The following NELL1 variants were observed in gnomAD, a reference collection of about 807,000 sequenced individuals.
NELL1 encodes the protein protein kinase C-binding protein NELL1.
A neutral mutation model predicts 107.4 loss-of-function variants in NELL1; 76 were observed. The ratio of observed to expected loss-of-function variants is 0.71; its 90% confidence interval spans 0.59 to 0.86. NELL1 has a LOEUF of 0.86. Ranked by LOEUF, NELL1 falls within the 40% of genes least tolerant of loss-of-function variation. The pLI, the probability that NELL1 is intolerant of heterozygous loss-of-function variation, is 0.00. For synonymous variants in NELL1, 353 were observed against 341.2 expected, an observed-to-expected ratio of 1.03 and a Z score of -0.38; for missense variants, 1,024 against 1,005.5, an observed-to-expected ratio of 1.02 and a Z score of -0.25.
chr11:21,056,390 A>T (rs1208777218), intron 12 of NELL1, among the ~76,000 whole-genome samples: 2 of 152,134 alleles, frequency 1.3e-5, no homozygotes, highest in African/African-American at 4.8e-5. Context: ...TAGCAGAAAG[A>T]CTTCCCCTCA....
chr11:21,500,307 A>C (rs1053842910), intron 15 of NELL1, among the ~76,000 whole-genome samples: 8 of 152,032 alleles, frequency 5.3e-5, no homozygotes, highest in Admixed American at 5.3e-4. Context: ...TTTATGCCAC[A>C]ATGGATTTTA....
chr11:20,864,629 A>G (rs1430030593), intron 4 of NELL1, among the ~76,000 whole-genome samples: 1 of 152,042 alleles, frequency 6.6e-6, no homozygotes, highest in Non-Finnish European at 1.5e-5. Flanking sequence ...ACTTTCGGAA[A>G]CCTGGCCTCT....
At chr11:20,681,893 T>C (rs572772079) in intron 2 of NELL1, among the ~76,000 whole-genome samples, 1 of 152,144 alleles carries the variant, frequency 6.6e-6, no homozygotes, top group East Asian at 1.9e-4. Flanking sequence ...CATTTCCTTC[T>C]CTTTGATTCT....
chr11:20,838,833 A>G (rs534036449), intron 3 of NELL1, among the ~76,000 whole-genome samples: 31 of 152,140 alleles, frequency 2.0e-4, no homozygotes, highest in Non-Finnish European at 4.6e-4. Context: ...TACAACCACC[A>G]CTATATATTT....
chr11:21,458,392 A>T (rs1174828767), intron 15 of NELL1, among the ~76,000 whole-genome samples: 1 of 152,170 alleles, frequency 6.6e-6, no homozygotes, highest in Non-Finnish European at 1.5e-5. Context: ...ATAATCAGAG[A>T]TGTAGATAAA....
intron 12 of NELL1, among the ~76,000 whole-genome samples, chr11:21,012,227 C>T (rs952913933): frequency 2.0e-5 from 3 of 152,154 alleles, no homozygotes; most frequent in African/African-American, 7.2e-5. Flanking sequence ...GCATCCTGGC[C>T]TTGCACATCT....
At chr11:20,852,512 C>T (rs561396936) in intron 4 of NELL1, among the ~76,000 whole-genome samples, 35 of 152,276 alleles carry the variant, frequency 2.3e-4, no homozygotes, top group East Asian at 1.9e-4. Flanking sequence ...TTCTAGAGAG[C>T]GCCACAACTA....
intron 15 of NELL1, among the ~76,000 whole-genome samples, chr11:21,500,394 C>T (rs555116949): frequency 2.0e-5 from 3 of 152,116 alleles, no homozygotes; most frequent in East Asian, 1.9e-4. Context: ...TCTGTAAGTA[C>T]TAAATCAGTT....
At chr11:21,169,120 T>C (rs1198998182) in intron 13 of NELL1, among the ~76,000 whole-genome samples, 1 of 151,826 alleles carries the variant, frequency 6.6e-6, no homozygotes, top group Non-Finnish European at 1.5e-5. Flanking sequence ...AAATTATACC[T>C]TTTAATCTTG....
chr11:21,284,906 C>T (rs867972701), intron 14 of NELL1: 11 of 248,850 alleles, frequency 4.4e-5, no homozygotes, highest in African/African-American at 2.4e-4. Flanking sequence ...CCACATTGGA[C>T]ATCATTCAAA....
intron 14 of NELL1, among the ~76,000 whole-genome samples, chr11:21,245,461 T>A (rs572185323): frequency 1.3e-5 from 2 of 152,144 alleles, no homozygotes; most frequent in Admixed American, 1.3e-4. Context: ...GAAGGAAATA[T>A]CTTTTCTCTC....
At chr11:21,527,622 C>T (rs181143651) in intron 15 of NELL1, among the ~76,000 whole-genome samples, 10 of 152,274 alleles carry the variant, frequency 6.6e-5, no homozygotes. Flanking sequence ...CACAATAGGC[C>T]ATCTGCAAAC....
intron 3 of NELL1, among the ~76,000 whole-genome samples, chr11:20,799,255 A>C (rs973090316): frequency 2.0e-5 from 3 of 152,114 alleles, no homozygotes; most frequent in Admixed American, 6.6e-5. Flanking sequence ...AGGGTGATGA[A>C]AGGGAGTGGT....
intron 12 of NELL1, among the ~76,000 whole-genome samples, chr11:20,988,402 T>G (rs565867639): frequency 1.3e-4 from 20 of 150,852 alleles, no homozygotes; most frequent in African/African-American, 4.4e-4. Context: ...TATATACATA[T>G]CTATATATAC....
chr11:21,159,656 T>C (rs923937234), intron 13 of NELL1, among the ~76,000 whole-genome samples: 25 of 152,370 alleles, frequency 1.6e-4, no homozygotes, highest in African/African-American at 5.8e-4. Context: ...ATCCATGTTC[T>C]AGCTATCTGG....
intron 2 of NELL1, among the ~76,000 whole-genome samples, chr11:20,755,567 T>G (rs866504920): frequency 2.6e-4 from 31 of 120,008 alleles, no homozygotes; most frequent in African/African-American, 9.8e-4. Flanking sequence ...TTTTTGTTTT[T>G]TTTTTTTTGA....
At chr11:21,283,417 A>C (rs1242676194) in intron 14 of NELL1, among the ~76,000 whole-genome samples, 2 of 152,152 alleles carry the variant, frequency 1.3e-5, no homozygotes, top group Non-Finnish European at 2.9e-5. Context: ...CTTATTTTGG[A>C]CCAAGAGAAA....
chr11:20,941,300 T>C (rs1304051317), intron 10 of NELL1, among the ~76,000 whole-genome samples: 3 of 152,332 alleles, frequency 2.0e-5, no homozygotes, highest in Non-Finnish European at 4.4e-5. Flanking sequence ...TTCTGTCCAG[T>C]GGCTTTACTT....
chr11:21,430,521 G>A (rs775431605), intron 15 of NELL1, among the ~76,000 whole-genome samples: 12 of 152,014 alleles, frequency 7.9e-5, no homozygotes, highest in Non-Finnish European at 1.2e-4. Flanking sequence ...TTATAATTCA[G>A]CACTAAGCAA....
Sources: gnomAD v4.1 joint callset for allele counts (sites outside exome capture counted in the v4.1 genomes callset) on GRCh38, gnomAD v4.1.1 for gene constraint, MANE v1.5 for transcripts, NCBI Gene and HGNC (gene_info 2026-07-23, HGNC 2026-07-21) for gene names.